The following ATM variants were observed in gnomAD, a reference collection of about 807,000 sequenced individuals.
The protein encoded by ATM is serine-protein kinase ATM.
A neutral mutation model predicts 387.0 loss-of-function variants in ATM; 308 were observed. The observed-to-expected ratio is 0.80, with a 90% confidence interval of 0.73 to 0.87. The LOEUF is 0.87. Ranked by LOEUF, ATM falls within the 40% of genes least tolerant of loss-of-function variation. The pLI, the probability that ATM is intolerant of heterozygous loss-of-function variation, is 0.00. For synonymous variants in ATM, 1,156 were observed against 1,187.3 expected, an observed-to-expected ratio of 0.97 and a Z score of 0.54; for missense variants, 3,312 against 3,560.9, an observed-to-expected ratio of 0.93 and a Z score of 1.78.
chr11:108,247,807 C>A (rs1303752324), intron 8 of ATM, among the ~76,000 whole-genome samples: 2 of 151,604 alleles, frequency 1.3e-5, no homozygotes, highest in African/African-American at 4.9e-5. Flanking sequence ...TATTGGCCAG[C>A]CTAGTCTCAG....
chr11:108,328,236 G>A (rs1046876115), intron 48 of ATM, among the ~76,000 whole-genome samples: 15 of 151,958 alleles, frequency 9.9e-5, no homozygotes, highest in African/African-American at 2.9e-4. Flanking sequence ...CACATGATGC[G>A]ATTGTCTTTC....
At chr11:108,363,265 C>T (rs543394076) in intron 61 of ATM, among the ~76,000 whole-genome samples, 22 of 152,306 alleles carry the variant, frequency 1.4e-4, no homozygotes, top group Non-Finnish European at 3.1e-4. Context: ...CATTGAGGCA[C>T]AGTCACTATT....
intron 7 of ATM, among the ~76,000 whole-genome samples, chr11:108,246,368 A>G (rs1323212691): frequency 6.6e-6 from 1 of 152,212 alleles, no homozygotes; most frequent in African/African-American, 2.4e-5. Flanking sequence ...TGGCAGGATG[A>G]TGAGGATGCC....
intron 4 of ATM, among the ~76,000 whole-genome samples, chr11:108,232,143 G>A (rs915868570): frequency 6.6e-6 from 1 of 152,196 alleles, no homozygotes; most frequent in Non-Finnish European, 1.5e-5. Context: ...TGGAGATTAC[G>A]TTTGAAAATG....
At chr11:108,362,703 A>G (rs1215727998) in intron 61 of ATM, among the ~76,000 whole-genome samples, 1 of 148,278 alleles carries the variant, frequency 6.7e-6, no homozygotes, top group Non-Finnish European at 1.5e-5. Flanking sequence ...GCAAGAACAA[A>G]AAACCAAACA....
At chr11:108,261,326 C>G (rs2135444207) in intron 16 of ATM, among the ~76,000 whole-genome samples, 1 of 152,362 alleles carries the variant, frequency 6.6e-6, no homozygotes, top group Non-Finnish European at 1.5e-5. Context: ...GTCCCTGACC[C>G]TGACCCCCGA....
rs936308822 is a variant in ATM at position 108,287,415 on chromosome 11, A to G, written c.3994-185A>G. 47 of 448,854 alleles carry G rather than the reference A, an allele frequency of 1.0e-4. 1 individual carries two copies. In the South Asian group the frequency reaches 1.5e-3, roughly 14 times the overall value. The allele number at this position is 448,854 out of a possible 1,614,324, so 27.8% of individuals were successfully genotyped here. A position where few individuals can be genotyped will look rare whatever the true frequency, so the allele number is the denominator to read the frequency against. On this transcript the variant is annotated intron_variant, in intron 26 of 62. Transcript: ENST00000675843. ...TTCATACTTTTTCCTCTTAGTCTAC[A>G]GGTTGGCTGCATAGAAGAAAAAGGT...
Position 108,304,078 on chromosome 11 carries a change from A to G in ATM, c.5497-597A>G, listed in dbSNP as rs186626078. On this transcript the variant is annotated intron_variant, in intron 36 of 62. Transcript: ENST00000675843. ...TAAATATGGAGTGCGGTGAATAGCA[A>G]AAGTAAAGCTGAATACTGTTTTAAT... 7.7e-4 allele frequency among the ~76,000 whole-genome samples: 118 copies of G among 152,314 alleles called. 1 individual carries two copies. The highest frequency in any genetic ancestry group is 3.9e-3 in the Admixed American group (59 of 15,300).
chr11:108,346,149 CA>C (rs577631022), intron 58 of ATM, among the ~76,000 whole-genome samples: 158 of 152,160 alleles, frequency 1.0e-3, no homozygotes, highest in African/African-American at 3.5e-3. Context: ...AATAAAAAGA[CA>C]GGGTTTTCTT....
chr11:108,273,194 A>G (rs1407959340), intron 22 of ATM, among the ~76,000 whole-genome samples: 4 of 152,134 alleles, frequency 2.6e-5, no homozygotes, highest in Non-Finnish European at 1.5e-5. Flanking sequence ...AGTTTATGAA[A>G]TGATAATTAG....
At chr11:108,275,688 C>T (rs999950303) in intron 22 of ATM, among the ~76,000 whole-genome samples, 1 of 152,152 alleles carries the variant, frequency 6.6e-6, no homozygotes, top group Admixed American at 6.5e-5. Flanking sequence ...TGAATATTGG[C>T]CCCCACTCTC....
At chr11:108,362,580 A>G (rs2090898691) in intron 61 of ATM, among the ~76,000 whole-genome samples, 1 of 150,590 alleles carries the variant, frequency 6.6e-6, no homozygotes, top group Non-Finnish European at 1.5e-5. Context: ...CTGGATTAAG[A>G]AAATGTAGCA....
intron 59 of ATM, among the ~76,000 whole-genome samples, chr11:108,351,207 T>G (rs2089162729): frequency 6.6e-6 from 1 of 152,136 alleles, no homozygotes; most frequent in Non-Finnish European, 1.5e-5. Context: ...AAAATTAATG[T>G]ATAGTGTTAG....
intron 22 of ATM, among the ~76,000 whole-genome samples, chr11:108,279,046 T>G (rs1378438726): frequency 2.0e-5 from 3 of 152,184 alleles, no homozygotes; most frequent in African/African-American, 7.2e-5. Flanking sequence ...GGTGTACTGA[T>G]CAACTTTTTT....
chr11:108,367,778 T>C lies in ATM; in HGVS notation c.*2270T>C. ...ACTATAAATTTCTTGGTTTGACTTC[T>C]GGAGAACTGTTCAGAATATTACTTT... On this transcript the variant is annotated 3_prime_UTR_variant, in exon 63 of 63. Transcript: ENST00000675843. 4.6e-6 allele frequency: 1 copy of C among 215,606 alleles called. No individual in the cohort carries two copies. Among genetic ancestry groups the C allele is most frequent in the Non-Finnish European group, 9.4e-6 (1 of 106,830 alleles). 13.4% of individuals were successfully genotyped at this position (215,606 alleles called of 1,614,324 possible). A position where few individuals can be genotyped will look rare whatever the true frequency, so the allele number is the denominator to read the frequency against.
intron 1 of ATM, chr11:108,227,350 C>A (rs1313880655): frequency 1.0e-5 from 4 of 396,502 alleles, no homozygotes; most frequent in Non-Finnish European, 1.8e-5. Flanking sequence ...CTACTGCAAG[C>A]AAGGCAAACA....
chr11:108,293,326 T>G lies in ATM; in HGVS notation c.4625T>G (p.Leu1542Trp). The G allele has an allele frequency of 6.4e-7, 1 of 1,555,886 alleles. No homozygotes were observed. The highest frequency in any genetic ancestry group is 8.8e-7 in the Non-Finnish European group (1 of 1,136,106). The change falls in exon 31 of 63, where the codon TTG (leucine) becomes TGG (tryptophan). Residue 1542 changes from leucine (L) to tryptophan (W), a missense_variant. Around this residue, in one of 4 missense-constraint regions of ATM, gnomAD observed 1,791 missense variants for 1,804.5 expected, o/e 0.99. Coordinates refer to ENST00000675843, the MANE Select transcript of ATM (RefSeq NM_000051.4). ...AATTATATTTAGGTATTGGACTTGT[T>G]GAAATACTTAGTGATAGATAACAAG... Reference protein sequence around the residue: ...VEVQKQVLDLLKYLVIDNKDN... With the variant: ...VEVQKQVLDLWKYLVIDNKDN...
At chr11:108,255,309 G>C (rs1305703872) in intron 13 of ATM, among the ~76,000 whole-genome samples, 1 of 151,090 alleles carries the variant, frequency 6.6e-6, no homozygotes, top group Non-Finnish European at 1.5e-5. Flanking sequence ...AAGTAATTTA[G>C]TTTTGTATAT....
At chr11:108,279,357 T>C (rs2082102924) in intron 22 of ATM, 134 bp from the exon 23 acceptor site, 1 of 708,016 alleles carries the variant, frequency 1.4e-6, no homozygotes, top group African/African-American at 1.8e-5. Flanking sequence ...TTGTTAGTCT[T>C]TAAGAAAGAG....
Sources: allele counts gnomAD v4.1 joint callset (sites outside exome capture counted in the v4.1 genomes callset), GRCh38; gene constraint gnomAD v4.1.1; regional missense constraint gnomAD v4.1.1; transcripts MANE v1.5; gene names NCBI Gene and HGNC (gene_info 2026-07-23, HGNC 2026-07-21).